The following APOC2 variants were observed in gnomAD, a reference collection of about 807,000 sequenced individuals.
APOC2 encodes apolipoprotein C-II.
APOC2 carries 6 observed loss-of-function variants against 10.2 expected under a neutral mutation model. That is an observed-to-expected ratio of 0.59 (90% CI 0.32 to 1.16). The LOEUF is 1.16. Among genes scored for constraint, APOC2 ranks in the 50% most tolerant of loss-of-function variants. APOC2 has a pLI of 0.05. For missense variants in APOC2, 110 were observed against 117.6 expected, an observed-to-expected ratio of 0.94 and a Z score of 0.30; for synonymous variants, 56 against 48.5, an observed-to-expected ratio of 1.15 and a Z score of -0.64.
At position 44,949,140 on chromosome 19, in the gene APOC2, A is replaced by G. The variant is rs544248196; in HGVS notation, c.216-19A>G. ...CCCCCAGCCCCTCCTCCCTCTAACC[A>G]TCTGTGCTTTCTCCCCAGGGACTTG... On this transcript the variant is annotated intron_variant, in intron 3 of 3. Coordinates refer to ENST00000252490, the MANE Select transcript of APOC2 (RefSeq NM_000483.5). The G allele has an allele frequency of 1.3e-6, 2 of 1,593,920 alleles. No homozygotes were observed. Among genetic ancestry groups the G allele is most frequent in the African/African-American group, 1.4e-5 (1 of 71,742 alleles).
At chr19:44,948,317 G>A (rs1021613827) in intron 1 of APOC2, 149 bp from the exon 2 acceptor site, 6 of 702,534 alleles carry the variant, frequency 8.5e-6, no homozygotes, top group African/African-American at 1.7e-5. Context: ...CAAGAAGGGG[G>A]CTGTGTCCAA....
chr19:44,948,539 T>G lies in APOC2; in HGVS notation c.55+6T>G. 6.2e-7 allele frequency: 1 copy of G among 1,613,946 alleles called. No individual in the cohort carries two copies. The highest frequency in any genetic ancestry group is 1.7e-4 in the Middle Eastern group (1 of 6,060). ...CCTCCTGGTATTGGGATTTGGTGAG[T>G]GTGGGCTTCCGGGGAGGGAAGCCTT... On this transcript the variant is annotated splice_donor_region_variant and intron_variant, in intron 2 of 3. Coordinates refer to ENST00000252490, the MANE Select transcript of APOC2 (RefSeq NM_000483.5).
chr19:44,946,382 C>A (rs1249798254), intron 1 of APOC2, among the ~76,000 whole-genome samples: 1 of 152,038 alleles, frequency 6.6e-6, no homozygotes, highest in Non-Finnish European at 1.5e-5. Flanking sequence ...GAATTTAGAA[C>A]TGTAGACTAT....
At position 44,949,321 on chromosome 19, in the gene APOC2, T is replaced by C; in HGVS notation, c.*72T>C. On this transcript the variant is annotated 3_prime_UTR_variant, in exon 4 of 4. Coordinates refer to ENST00000252490, the MANE Select transcript of APOC2 (RefSeq NM_000483.5). ...CTGATCCCCCAGGTTCAGACTGAGC[T>C]CCCCCTTCCCAGTAGCTCTTGCATC... 8.5e-7 allele frequency: 1 copy of C among 1,172,740 alleles called. No homozygotes were observed. The highest frequency in any genetic ancestry group is 1.3e-6 in the Non-Finnish European group (1 of 794,050). 72.6% of individuals were successfully genotyped at this position (1,172,740 alleles called of 1,614,324 possible). A position where few individuals can be genotyped will look rare whatever the true frequency, so the allele number is the denominator to read the frequency against.
intron 1 of APOC2, among the ~76,000 whole-genome samples, chr19:44,946,856 A>G (rs1599990747): frequency 2.0e-5 from 3 of 152,106 alleles, no homozygotes; most frequent in South Asian, 4.1e-4. Context: ...TTAAAAAACT[A>G]AAAAAGAACT....
In APOC2 at chr19:44,949,266, C is replaced by G; in HGVS notation, c.*17C>G. The stretch of plus-strand genomic sequence containing the variant: ...GAGGAGTAACAGCCAGACCCCCCAT[C>G]AGTGGACAAGGGGAGAGTCCCCTAC... On this transcript the variant is annotated 3_prime_UTR_variant, in exon 4 of 4. Transcript: ENST00000252490. 1 of 1,609,024 alleles carries G rather than the reference C, an allele frequency of 6.2e-7. No homozygotes were observed. Among genetic ancestry groups the G allele is most frequent in the South Asian group, 1.1e-5 (1 of 90,468 alleles).
Position 44,949,210 on chromosome 19 carries a change from T to TACTG in APOC2, c.270_273dup (p.Gln92Ter). 6.2e-7 allele frequency: 1 copy of TACTG among 1,614,092 alleles called. No individual in the cohort carries two copies. Among genetic ancestry groups the TACTG allele is most frequent in the Non-Finnish European group, 8.5e-7 (1 of 1,180,012 alleles). Reference sequence around the variant, plus strand: ...CCATGAGCACTTACACAGGCATTTTTACTGACCAAGTTCTTTCTGTGCTGA... The same window carrying TACTG: ...CCATGAGCACTTACACAGGCATTTTTACTGACTGACCAAGTTCTTTCTGTGCTGA... On this transcript the variant is annotated frameshift_variant, in exon 4 of 4. Transcript: ENST00000252490. LOFTEE classifies it high-confidence loss of function.
intron 1 of APOC2, chr19:44,947,233 C>T (rs1292313464): frequency 6.6e-6 from 1 of 152,202 alleles, no homozygotes; most frequent in Non-Finnish European, 1.5e-5. Flanking sequence ...GCCGTACTTC[C>T]TCATCTCCTA....
Position 44,949,143 on chromosome 19 carries a change from T to C in APOC2, c.216-16T>C, listed in dbSNP as rs778066288. The C allele has an allele frequency of 2.2e-5, 35 of 1,592,896 alleles. No homozygotes were observed. In the African/African-American group the frequency reaches 2.7e-4, roughly 12 times the overall value. On this transcript the variant is annotated splice_polypyrimidine_tract_variant and intron_variant, in intron 3 of 3. Transcript: ENST00000252490. ...CCAGCCCCTCCTCCCTCTAACCATCTGTGCTTTCTCCCCAGGGACTTGTAC... is the reference window on the plus strand; with the variant it reads ...CCAGCCCCTCCTCCCTCTAACCATCCGTGCTTTCTCCCCAGGGACTTGTAC...
intron 1 of APOC2, among the ~76,000 whole-genome samples, chr19:44,947,017 T>C (rs950267545): frequency 6.6e-6 from 1 of 151,930 alleles, no homozygotes; most frequent in Non-Finnish European, 1.5e-5. Flanking sequence ...ACAGGCATGG[T>C]GGTGCATGCT....
At position 44,949,414 on chromosome 19, in the gene APOC2, C is replaced by A; in HGVS notation, c.*165C>A. ...AATTCAAGTTGCTTCTCATGGATGG[C>A]ACTGCTTTTCTGAGGACTCAAGGGC... On this transcript the variant is annotated 3_prime_UTR_variant, in exon 4 of 4. Coordinates refer to ENST00000252490, the MANE Select transcript of APOC2 (RefSeq NM_000483.5). 1.5e-6 allele frequency: 1 copy of A among 660,930 alleles called. No individual in the cohort carries two copies. Among genetic ancestry groups the A allele is most frequent in the South Asian group, 1.7e-5 (1 of 59,398 alleles). The allele number at this position is 660,930 out of a possible 1,614,324, so 40.9% of individuals were successfully genotyped here.
Position 44,949,168 on chromosome 19 carries a change from C to T in APOC2, c.225C>T (p.Tyr75=), listed in dbSNP as rs1970357151. Residue 75 remains tyrosine (Y), a synonymous_variant, in exon 4 of 4, where the codon TAC becomes TAT. Coordinates refer to ENST00000252490, the MANE Select transcript of APOC2 (RefSeq NM_000483.5). ...TGTGCTTTCTCCCCAGGGACTTGTACAGCAAAAGCACAGCAGCCATGAGCA... is the reference window on the plus strand; with the variant it reads ...TGTGCTTTCTCCCCAGGGACTTGTATAGCAAAAGCACAGCAGCCATGAGCA... ...PAVDEKLRDL[Y]SKSTAAMSTY... 2 of 1,613,782 alleles carry T rather than the reference C, an allele frequency of 1.2e-6. No homozygotes were observed. Among genetic ancestry groups the T allele is most frequent in the African/African-American group, 1.3e-5 (1 of 75,024 alleles).
intron 1 of APOC2, 81 bp from the exon 2 acceptor site, chr19:44,948,385 C>G (rs528095754): frequency 1.3e-5 from 15 of 1,175,192 alleles, no homozygotes; most frequent in South Asian, 8.6e-5. Flanking sequence ...GGATCTCAGT[C>G]CCCCCCACCA....
At chr19:44,946,191 C>CTGTGTGTGTGTGTGTGTGTGTG (rs71338739) in intron 1 of APOC2, 116 bp downstream of exon 1, 14 of 134,108 alleles carry the variant, frequency 1.0e-4, no homozygotes, top group African/African-American at 3.9e-4. Context: ...GGAACCATGA[C>CTGTGTGTGTGTGTGTGTGTGTG]TGTGTGTGTG....
At position 44,949,433 on chromosome 19, in the gene APOC2, C is replaced by T. The variant is rs1970360495; in HGVS notation, c.*184C>T. On this transcript the variant is annotated 3_prime_UTR_variant, in exon 4 of 4. Coordinates refer to ENST00000252490, the MANE Select transcript of APOC2 (RefSeq NM_000483.5). Reference sequence around the variant, plus strand: ...GGATGGCACTGCTTTTCTGAGGACTCAAGGGCCAAGATGGAGGGGCTGACT... The same window carrying T: ...GGATGGCACTGCTTTTCTGAGGACTTAAGGGCCAAGATGGAGGGGCTGACT... 1.6e-6 allele frequency: 1 copy of T among 622,060 alleles called. No homozygotes were observed. Among genetic ancestry groups the T allele is most frequent in the African/African-American group, 1.9e-5 (1 of 52,406 alleles). The allele number at this position is 622,060 out of a possible 1,614,324, so 38.5% of individuals were successfully genotyped here. A position where few individuals can be genotyped will look rare whatever the true frequency, so the allele number is the denominator to read the frequency against.
At position 44,949,437 on chromosome 19, in the gene APOC2, G is replaced by T. The variant is rs5127; in HGVS notation, c.*188G>T. 1.6e-6 allele frequency: 1 copy of T among 626,756 alleles called. No individual in the cohort carries two copies. Among genetic ancestry groups the T allele is most frequent in the Non-Finnish European group, 2.9e-6 (1 of 347,110 alleles). 38.8% of individuals were successfully genotyped at this position (626,756 alleles called of 1,614,324 possible). A position where few individuals can be genotyped will look rare whatever the true frequency, so the allele number is the denominator to read the frequency against. Reference sequence around the variant, plus strand: ...GGCACTGCTTTTCTGAGGACTCAAGGGCCAAGATGGAGGGGCTGACTCAGT... The same window carrying T: ...GGCACTGCTTTTCTGAGGACTCAAGTGCCAAGATGGAGGGGCTGACTCAGT... On this transcript the variant is annotated 3_prime_UTR_variant, in exon 4 of 4. Coordinates refer to ENST00000252490, the MANE Select transcript of APOC2 (RefSeq NM_000483.5).
chr19:44,949,351 T>C lies in APOC2; in HGVS notation c.*102T>C. 1 of 834,570 alleles carries C rather than the reference T, an allele frequency of 1.2e-6. No individual in the cohort carries two copies. Among genetic ancestry groups the C allele is most frequent in the Non-Finnish European group, 2.0e-6 (1 of 493,666 alleles). The allele number at this position is 834,570 out of a possible 1,614,324, so 51.7% of individuals were successfully genotyped here. On this transcript the variant is annotated 3_prime_UTR_variant, in exon 4 of 4. Transcript: ENST00000252490. ...CTTCCCAGTAGCTCTTGCATCCTCCTCCCAACTCTAGCCTGAATTCTTTTC... is the reference window on the plus strand; with the variant it reads ...CTTCCCAGTAGCTCTTGCATCCTCCCCCCAACTCTAGCCTGAATTCTTTTC...
Position 44,948,840 on chromosome 19 carries a change from C to T in APOC2, c.195C>T (p.Pro65=), listed in dbSNP as rs145771233. The T allele has an allele frequency of 1.9e-6, 3 of 1,613,238 alleles. No homozygotes were observed. Among genetic ancestry groups the T allele is most frequent in the Admixed American group, 1.7e-5 (1 of 59,986 alleles). The change falls in exon 3 of 4, where the codon CCC becomes CCT. Residue 65 remains proline, a synonymous_variant. Transcript: ENST00000252490. Reference sequence around the variant, plus strand: ...ACCTGTACGAGAAGACATACCTGCCCGCTGTAGATGAGAAACTCAGGTAGC... The same window carrying T: ...ACCTGTACGAGAAGACATACCTGCCTGCTGTAGATGAGAAACTCAGGTAGC... ...AQNLYEKTYL[P]AVDEKLRDLY... is the part of the protein sequence containing the mutation.
rs1238211981 is a variant in APOC2, at chr19:44,948,722, C to A, written c.77C>A (p.Pro26His). Residue 26 changes from proline (P) to histidine (H), a missense_variant, in exon 3 of 4, where the codon CCC becomes CAC. Coordinates refer to ENST00000252490, the MANE Select transcript of APOC2 (RefSeq NM_000483.5). The stretch of plus-strand genomic sequence containing the variant: ...GCAGAGGTCCAGGGGACCCAACAGC[C>A]CCAGCAAGATGAGATGCCTAGCCCG... ...LGFEVQGTQQ[P>H]QQDEMPSPTF... is the part of the protein sequence containing the mutation. The A allele has an allele frequency of 6.2e-7, 1 of 1,614,134 alleles. No individual in the cohort carries two copies. The highest frequency in any genetic ancestry group is 1.7e-5 in the Admixed American group (1 of 60,020).
Sources: gnomAD v4.1 joint callset for allele counts (sites outside exome capture counted in the v4.1 genomes callset) on GRCh38, gnomAD v4.1.1 for gene constraint, MANE v1.5 for transcripts, NCBI Gene and HGNC (gene_info 2026-07-23, HGNC 2026-07-21) for gene names.